Variants in CHSY1 observed in about 807,000 individuals in gnomAD.
CHSY1 encodes the protein N-acetylgalactosaminyl-proteoglycan 3-beta-glucuronosyltransferase 1.
In CHSY1, 13 loss-of-function variants were observed where a neutral mutation model predicts 59.8. The observed-to-expected ratio is 0.22, with a 90% CI of 0.14 to 0.35. The LOEUF is 0.35. Ranked by LOEUF, CHSY1 falls within the 10% of genes least tolerant of loss-of-function variation. The pLI, the probability that CHSY1 is intolerant of heterozygous loss-of-function variation, is 1.00. For synonymous variants in CHSY1, 459 were observed against 401.2 expected, an observed-to-expected ratio of 1.14 and a Z score of -1.72; for missense variants, 947 against 1,030.6, an observed-to-expected ratio of 0.92 and a Z score of 1.11.
chr15:101,193,547 C>T (rs1258180513), intron 2 of CHSY1, among the ~76,000 whole-genome samples: 1 of 152,234 alleles, frequency 6.6e-6, no homozygotes, highest in Non-Finnish European at 1.5e-5. Flanking sequence ...GGCGAACGCT[C>T]CTTCCTCTCC....
chr15:101,192,974 T>C (rs2038464048), intron 2 of CHSY1, among the ~76,000 whole-genome samples: 1 of 152,246 alleles, frequency 6.6e-6, no homozygotes, highest in Non-Finnish European at 1.5e-5. Context: ...TTTTATATAA[T>C]AACATTAACA....
chr15:101,187,358 A>G (rs776899993), intron 2 of CHSY1, among the ~76,000 whole-genome samples: 3 of 151,982 alleles, frequency 2.0e-5, no homozygotes, highest in Non-Finnish European at 4.4e-5. Flanking sequence ...GTGTGCCTGT[A>G]GTCCCAGCTA....
At chr15:101,188,743 A>T (rs2038404737) in intron 2 of CHSY1, among the ~76,000 whole-genome samples, 1 of 152,226 alleles carries the variant, frequency 6.6e-6, no homozygotes, top group Non-Finnish European at 1.5e-5. Context: ...CTAGTAATTC[A>T]AGGCTTCTGC....
chr15:101,204,047 T>C (rs1405074744), intron 2 of CHSY1, among the ~76,000 whole-genome samples: 1 of 152,212 alleles, frequency 6.6e-6, no homozygotes, highest in Non-Finnish European at 1.5e-5. Context: ...CTGCGTTGTG[T>C]TTATGTCAAT....
chr15:101,192,949 A>G (rs2038463767), intron 2 of CHSY1, among the ~76,000 whole-genome samples: 1 of 152,212 alleles, frequency 6.6e-6, no homozygotes, highest in South Asian at 2.1e-4. Context: ...CATTGAAGTG[A>G]AATAATTTAT....
At chr15:101,227,473 G>A (rs1038352408) in intron 2 of CHSY1, among the ~76,000 whole-genome samples, 1 of 152,068 alleles carries the variant, frequency 6.6e-6, no homozygotes, top group Non-Finnish European at 1.5e-5. Flanking sequence ...GTGTGTGGGG[G>A]GAACAAACAA....
chr15:101,229,986 G>C (rs1440357163), intron 2 of CHSY1, among the ~76,000 whole-genome samples: 1 of 150,768 alleles, frequency 6.6e-6, no homozygotes, highest in East Asian at 2.0e-4. Flanking sequence ...TCTTTGCCCA[G>C]GCTGGAGTGA....
intron 2 of CHSY1, among the ~76,000 whole-genome samples, chr15:101,222,127 G>A (rs553569834): frequency 6.6e-6 from 1 of 152,284 alleles, no homozygotes; most frequent in East Asian, 1.9e-4. Flanking sequence ...GAAGTCTACA[G>A]CCCTCACACA....
At chr15:101,180,704 G>A (rs1283043062) in intron 2 of CHSY1, among the ~76,000 whole-genome samples, 1 of 152,196 alleles carries the variant, frequency 6.6e-6, no homozygotes, top group African/African-American at 2.4e-5. Context: ...GTAGGCGACT[G>A]GCACCGGGAC....
In CHSY1 at chr15:101,176,126, G is replaced by T. The variant is rs1470408689; in HGVS notation, c.*1262C>A. The T allele has an allele frequency of 2.5e-6, 1 of 397,328 alleles. No individual in the cohort carries two copies. Among genetic ancestry groups the T allele is most frequent in the African/African-American group, 2.1e-5 (1 of 48,558 alleles). The allele number at this position is 397,328 out of a possible 1,614,324, so 24.6% of individuals were successfully genotyped here. On this transcript the variant is annotated 3_prime_UTR_variant, in exon 3 of 3. Coordinates refer to ENST00000254190, the MANE Select transcript of CHSY1 (RefSeq NM_014918.5). ...TTCCAAAAGGAAATCTTTGGAGATC[G>T]GTTTACTGCAAATAAAACAGACTAA...
intron 2 of CHSY1, among the ~76,000 whole-genome samples, chr15:101,184,222 G>A (rs2038322220): frequency 6.6e-6 from 1 of 152,178 alleles, no homozygotes; most frequent in Admixed American, 6.5e-5. Context: ...CTTTCACAGA[G>A]TGTGTGTGCT....
intron 2 of CHSY1, among the ~76,000 whole-genome samples, chr15:101,222,061 G>GTAA (rs2038794472): frequency 6.6e-6 from 1 of 152,140 alleles, no homozygotes; most frequent in South Asian, 2.1e-4. Context: ...ATTTTTTACA[G>GTAA]TAATAACACA....
At chr15:101,203,248 CAGTCCTGA>C (rs2038591581) in intron 2 of CHSY1, among the ~76,000 whole-genome samples, 1 of 152,200 alleles carries the variant, frequency 6.6e-6, no homozygotes, top group South Asian at 2.1e-4. Context: ...ACCCTGTCCA[CAGTCCTGA>C]CAGGCATGGA....
chr15:101,184,371 CATATAT>C (rs981733585), intron 2 of CHSY1, among the ~76,000 whole-genome samples: 1 of 151,250 alleles, frequency 6.6e-6, no homozygotes, highest in Non-Finnish European at 1.5e-5. Context: ...AAATGTGTTA[CATATAT>C]ATATAATTTT....
chr15:101,226,657 T>C (rs1355891404), intron 2 of CHSY1, among the ~76,000 whole-genome samples: 1 of 152,152 alleles, frequency 6.6e-6, no homozygotes, highest in Non-Finnish European at 1.5e-5. Flanking sequence ...CTGCACTGTC[T>C]CTCACTGCAC....
chr15:101,248,424 G>T (rs890251453), intron 1 of CHSY1, among the ~76,000 whole-genome samples: 3 of 152,216 alleles, frequency 2.0e-5, no homozygotes, highest in African/African-American at 7.2e-5. Flanking sequence ...TGGCAGGGCA[G>T]GTCCACCTCC....
intron 2 of CHSY1, among the ~76,000 whole-genome samples, chr15:101,226,265 C>T (rs567403957): frequency 2.0e-5 from 3 of 152,126 alleles, no homozygotes; most frequent in Admixed American, 6.5e-5. Context: ...GGATAGTTTC[C>T]GGTAGCCCTC....
chr15:101,218,491 G>A (rs1164772992), intron 2 of CHSY1, among the ~76,000 whole-genome samples: 1 of 152,180 alleles, frequency 6.6e-6, no homozygotes, highest in Non-Finnish European at 1.5e-5. Context: ...CAGCTACTAG[G>A]GAGGCTGAGG....
At chr15:101,249,284 C>T (rs930045551) in intron 1 of CHSY1, among the ~76,000 whole-genome samples, 5 of 151,644 alleles carry the variant, frequency 3.3e-5, no homozygotes, top group Non-Finnish European at 7.4e-5. Context: ...TTCACATGGT[C>T]TATCACCACA....
Sources: gnomAD v4.1 joint callset for allele counts (sites outside exome capture counted in the v4.1 genomes callset) on GRCh38, gnomAD v4.1.1 for gene constraint, MANE v1.5 for transcripts, NCBI Gene and HGNC (gene_info 2026-07-23, HGNC 2026-07-21) for gene names.